DNAJC16: variants seen among roughly 807,000 people sequenced by gnomAD.
DNAJC16 encodes DnaJ heat shock protein family (Hsp40) member C16.
Under a neutral mutation model 92.7 loss-of-function variants are expected in DNAJC16, and 76 were observed. The ratio of observed to expected loss-of-function variants is 0.82; its 90% confidence interval spans 0.68 to 0.99. The LOEUF is 0.99. Among genes scored for constraint, DNAJC16 ranks in the 50% least tolerant of loss-of-function variants. The pLI is 0.00. For synonymous variants in DNAJC16, 328 were observed against 358.7 expected (o/e 0.91, Z 0.97); for missense variants, 869 against 942.4 (o/e 0.92, Z 1.02).
At chr1:15,567,536 G>A (rs1638847601) in intron 14 of DNAJC16, among the ~76,000 whole-genome samples, 1 of 152,120 alleles carries the variant, frequency 6.6e-6, no homozygotes, top group African/African-American at 2.4e-5. Context: ...TAGCCCTTGT[G>A]TATTTTCCAG....
At chr1:15,549,773 C>A (rs76517829) in intron 7 of DNAJC16, among the ~76,000 whole-genome samples, 31,629 of 147,964 alleles carry the variant, frequency 0.21, 3,604 homozygotes, top group Middle Eastern at 0.23. Flanking sequence ...GAGATCACGC[C>A]GCCCACTGCA....
chr1:15,563,970 G>T lies in DNAJC16; in HGVS notation c.1380G>T (p.Val460=), dbSNP rs753034625. 1 of 1,614,190 alleles carries T rather than the reference G, an allele frequency of 6.2e-7. No homozygotes were observed. The highest frequency in any genetic ancestry group is 1.3e-5 in the African/African-American group (1 of 75,058). The change falls in exon 10 of 15, where the codon GTG becomes GTT. Residue 460 remains valine (V), a synonymous_variant. Transcript: ENST00000375847. ...LERRNTAGRV[V]YKTLEDPWIG... is the part of the protein sequence containing the mutation. ...GGCGCAACACAGCAGGAAGGGTGGT[G>T]TATAAAACCCTGGAAGACCCTTGGA...
At chr1:15,560,276 C>T (rs1403496019) in intron 8 of DNAJC16, 1 of 152,178 alleles carries the variant, frequency 6.6e-6, no homozygotes, top group Non-Finnish European at 1.5e-5. Context: ...GGTCACTTTA[C>T]AGAAGCACAG....
At chr1:15,544,279 T>C (rs1356908824) in intron 4 of DNAJC16, 120 bp from the exon 5 acceptor site, 9 of 981,764 alleles carry the variant, frequency 9.2e-6, no homozygotes, top group Non-Finnish European at 1.3e-5. Context: ...GACAGTCTAT[T>C]AGGAAAGACA....
At position 15,569,874 on chromosome 1, in the gene DNAJC16, T is replaced by TG. The variant is rs1638911438; in HGVS notation, c.*1698dup. Reference sequence around the variant, plus strand: ...GTTGATCAGGCTGGTCATGAACTCCTGACCTCAGGTGATCTGCCTGCCTCA... The same window carrying TG: ...GTTGATCAGGCTGGTCATGAACTCCTGGACCTCAGGTGATCTGCCTGCCTCA... On this transcript the variant is annotated 3_prime_UTR_variant, in exon 15 of 15. Coordinates refer to ENST00000375847, the MANE Select transcript of DNAJC16 (RefSeq NM_015291.4). The TG allele has an allele frequency of 6.6e-6, 1 of 152,250 alleles. No individual in the cohort carries two copies. The highest frequency in any genetic ancestry group is 2.4e-5 in the African/African-American group (1 of 41,442). The allele number at this position is 152,250 out of a possible 1,614,324, so 9.4% of individuals were successfully genotyped here.
In DNAJC16 at chr1:15,536,523, G is replaced by A. The variant is rs769432889; in HGVS notation, c.283G>A (p.Ala95Thr). 16 of 1,613,534 alleles carry A rather than the reference G, an allele frequency of 9.9e-6. No homozygotes were observed. The Admixed American group carries it at 1.0e-4, about 10-fold the overall frequency. ...ATCAAATTATGATCAATATGGAGAC[G>A]CTGGAGAGAACCAGGGCTACCAGAA... is the stretch of plus-strand genomic sequence containing the variant. ...KRSNYDQYGD[A>T]GENQGYQKQQ... The change falls in exon 4 of 15, where the codon GCT becomes ACT. Residue 95 changes from alanine (A) to threonine (T), a missense_variant. Coordinates refer to ENST00000375847, the MANE Select transcript of DNAJC16 (RefSeq NM_015291.4).
In DNAJC16 at chr1:15,563,943, A is replaced by G. The variant is rs571071264; in HGVS notation, c.1353A>G (p.Glu451=). ...FQGKSAVSIL[E]RRNTAGRVVY... Reference sequence around the variant, plus strand: ...TTTTCTTCCAGGTGTCTATTTTAGAAAGGCGCAACACAGCAGGAAGGGTGG... The same window carrying G: ...TTTTCTTCCAGGTGTCTATTTTAGAGAGGCGCAACACAGCAGGAAGGGTGG... The change falls in exon 10 of 15, where the codon GAA becomes GAG. Residue 451 remains glutamate, a synonymous_variant. Coordinates refer to ENST00000375847, the MANE Select transcript of DNAJC16 (RefSeq NM_015291.4). 6.2e-7 allele frequency: 1 copy of G among 1,609,134 alleles called. No individual in the cohort carries two copies. Among genetic ancestry groups the G allele is most frequent in the African/African-American group, 1.3e-5 (1 of 74,782 alleles).
At position 15,536,851 on chromosome 1, in the gene DNAJC16, G is replaced by A; in HGVS notation, c.574+37G>A. 3 of 1,535,372 alleles carry A rather than the reference G, an allele frequency of 2.0e-6. No individual in the cohort carries two copies. The South Asian group carries it at 3.7e-5, about 19-fold the overall frequency. On this transcript the variant is annotated intron_variant, in intron 4 of 14. Transcript: ENST00000375847. ...TTATTCACTGAAAGATATTTATATA[G>A]ATGACTTTTTTTTTTTCAAGATGGA...
chr1:15,566,214 G>A (rs781489852), intron 13 of DNAJC16, 34 bp downstream of exon 13: 66 of 1,548,250 alleles, frequency 4.3e-5, no homozygotes, highest in Non-Finnish European at 5.4e-5. Flanking sequence ...TCACCTCCCC[G>A]GCACCTGCCC....
rs58324042 is a variant in DNAJC16 at position 15,548,868 on chromosome 1, A to G, written c.1023+440A>G. Among the ~76,000 whole-genome samples the G allele has an allele frequency of 8.9e-4, 136 of 152,326 alleles. 1 individual carries two copies. The East Asian group carries it at 0.024, about 27-fold the overall frequency. On this transcript the variant is annotated intron_variant, in intron 7 of 14. Transcript: ENST00000375847. ...TTTTTATGTAAATACTTTAAAATGT[A>G]AAGTTAAAAAACTGGGGGAATATTT...
In DNAJC16 at chr1:15,570,284, T is replaced by C. The variant is rs1183439528; in HGVS notation, c.*2107T>C. On this transcript the variant is annotated 3_prime_UTR_variant, in exon 15 of 15. Transcript: ENST00000375847. ...CCAGATTGCTTATATGAGTGGTCTTTTGGTTTGGTAGTAGGTTTTTATTTT... is the reference window on the plus strand; with the variant it reads ...CCAGATTGCTTATATGAGTGGTCTTCTGGTTTGGTAGTAGGTTTTTATTTT... 6.6e-6 allele frequency: 1 copy of C among 152,216 alleles called. No individual in the cohort carries two copies. Among genetic ancestry groups the C allele is most frequent in the African/African-American group, 2.4e-5 (1 of 41,454 alleles). The allele number at this position is 152,216 out of a possible 1,614,324, so 9.4% of individuals were successfully genotyped here.
intron 14 of DNAJC16, among the ~76,000 whole-genome samples, chr1:15,567,554 A>G (rs1329604729): frequency 6.6e-6 from 1 of 152,230 alleles, no homozygotes; most frequent in Non-Finnish European, 1.5e-5. Context: ...CAGAAGAGCA[A>G]TGTTAAGTTC....
intron 2 of DNAJC16, among the ~76,000 whole-genome samples, chr1:15,533,646 A>G (rs1344652955): frequency 1.3e-5 from 2 of 151,886 alleles, no homozygotes; most frequent in Admixed American, 1.3e-4. Flanking sequence ...CAAAAAAACA[A>G]AAAAAACAGT....
chr1:15,546,899 CT>C (rs757953239), intron 6 of DNAJC16, 28 bp downstream of exon 6: 4 of 1,123,428 alleles, frequency 3.6e-6, no homozygotes, highest in Non-Finnish European at 4.9e-6. Flanking sequence ...ATAATGGTTT[CT>C]TTTTCTTTTC....
intron 1 of DNAJC16, among the ~76,000 whole-genome samples, chr1:15,527,857 G>A (rs1710556721): frequency 1.3e-5 from 2 of 152,096 alleles, no homozygotes; most frequent in African/African-American, 4.8e-5. Flanking sequence ...ATTAACTTGT[G>A]AGAAATCAAG....
At chr1:15,538,867 A>T (rs765977259) in intron 4 of DNAJC16, among the ~76,000 whole-genome samples, 8 of 152,202 alleles carry the variant, frequency 5.3e-5, no homozygotes, top group African/African-American at 9.6e-5. Flanking sequence ...GTTTCATTTC[A>T]CGTTATTTTG....
rs189985405 is a variant in DNAJC16 at position 15,569,452 on chromosome 1, G to T, written c.*1275G>T. 6.6e-6 allele frequency: 1 copy of T among 152,178 alleles called. No individual in the cohort carries two copies. The highest frequency in any genetic ancestry group is 1.9e-4 in the East Asian group (1 of 5,160). 9.4% of individuals were successfully genotyped at this position (152,178 alleles called of 1,614,324 possible). ...GAGCTCCAGGTATAGTGGACCCCAG[G>T]GTGCCTCATACCAGCCAGTTAGAGA... On this transcript the variant is annotated 3_prime_UTR_variant, in exon 15 of 15. Coordinates refer to ENST00000375847, the MANE Select transcript of DNAJC16 (RefSeq NM_015291.4).
At chr1:15,546,237 T>G (rs1382062482) in intron 5 of DNAJC16, among the ~76,000 whole-genome samples, 1 of 151,924 alleles carries the variant, frequency 6.6e-6, no homozygotes, top group Non-Finnish European at 1.5e-5. Context: ...CCTGGGAGGT[T>G]TGGGAGGTTG....
intron 13 of DNAJC16, 76 bp from the exon 14 acceptor site, chr1:15,567,023 T>G: frequency 1.5e-6 from 2 of 1,378,838 alleles, no homozygotes; most frequent in South Asian, 1.3e-5. Flanking sequence ...AGCATTTTCT[T>G]TCAGCTGTTT....
Sources: gnomAD v4.1 joint callset for allele counts (sites outside exome capture counted in the v4.1 genomes callset) on GRCh38, gnomAD v4.1.1 for gene constraint, MANE v1.5 for transcripts, NCBI Gene and HGNC (gene_info 2026-07-23, HGNC 2026-07-21) for gene names.